The following TACC2 variants were observed in gnomAD, a reference collection of about 807,000 sequenced individuals.
TACC2 encodes the protein transforming acidic coiled-coil-containing protein 2.
In TACC2, 137 loss-of-function variants were observed where a neutral mutation model predicts 227.3. The observed-to-expected ratio is 0.60, with a 90% confidence interval of 0.52 to 0.69. TACC2 has a LOEUF of 0.69. Among genes scored for constraint, TACC2 ranks in the 30% least tolerant of loss-of-function variants. The pLI, the probability that TACC2 is intolerant of heterozygous loss-of-function variation, is 0.00. For synonymous variants in TACC2, 1,523 were observed against 1,487.5 expected, an observed-to-expected ratio of 1.02 and a Z score of -0.55; for missense variants, 3,470 against 3,694.4, an observed-to-expected ratio of 0.94 and a Z score of 1.57.
chr10:122,160,764 A>G (rs58936963), intron 7 of TACC2, among the ~76,000 whole-genome samples: 15,781 of 151,908 alleles, frequency 0.1, 2,518 homozygotes, highest in African/African-American at 0.34. Context: ...TCAGCTTTAC[A>G]TTTTCTGTAG....
At chr10:122,060,470 A>G (rs1011932806) in intron 3 of TACC2, among the ~76,000 whole-genome samples, 10 of 152,218 alleles carry the variant, frequency 6.6e-5, no homozygotes, top group Non-Finnish European at 1.2e-4. Flanking sequence ...GTTCAATACC[A>G]CAGGAATGCT....
intron 7 of TACC2, among the ~76,000 whole-genome samples, chr10:122,186,195 C>T (rs1816527468): frequency 6.6e-6 from 1 of 152,170 alleles, no homozygotes; most frequent in South Asian, 2.1e-4. Flanking sequence ...TCCCAAAGTG[C>T]TGGGATTACA....
Position 122,084,340 on chromosome 10 carries a change from G to A in TACC2, c.1840G>A (p.Glu614Lys). 6.2e-7 allele frequency: 1 copy of A among 1,613,832 alleles called. No individual in the cohort carries two copies. The highest frequency in any genetic ancestry group is 8.5e-7 in the Non-Finnish European group (1 of 1,180,036). Residue 614 changes from glutamate (E) to lysine (K), a missense_variant, in exon 4 of 23, where the codon GAG becomes AAG. By Grantham distance (56) the Glu-to-Lys change is moderately conservative. Around this residue, in one of 10 missense-constraint regions of TACC2, gnomAD observed 1,924 missense variants for 1,978.3 expected, o/e 0.97. Transcript: ENST00000369005. The part of the protein sequence containing the change: ...SKRDPEVGKD[E>K]LSKPSSDAES... ...GCGTGATCCAGAAGTAGGCAAAGAT[G>A]AGCTTTCAAAGCCAAGCAGTGATGC...
chr10:122,022,167 A>G, intron 2 of TACC2, 153 bp downstream of exon 2: 2 of 657,438 alleles, frequency 3.0e-6, no homozygotes, highest in Non-Finnish European at 5.3e-6. Flanking sequence ...CTATGCAGCC[A>G]TTTTTCATTT....
intron 7 of TACC2, among the ~76,000 whole-genome samples, chr10:122,172,381 C>T (rs1033232907): frequency 6.6e-6 from 1 of 152,180 alleles, no homozygotes; most frequent in Non-Finnish European, 1.5e-5. Context: ...CCTGTGCCAG[C>T]ACCACCCTTC....
intron 2 of TACC2, among the ~76,000 whole-genome samples, chr10:122,040,519 C>T (rs1478130950): frequency 1.3e-5 from 2 of 152,150 alleles, no homozygotes; most frequent in Non-Finnish European, 2.9e-5. Flanking sequence ...GCTCCAAGCT[C>T]CAAGCATGTG....
chr10:122,074,300 G>C lies in TACC2; in HGVS notation c.147-8347G>C, dbSNP rs180929497. On this transcript the variant is annotated intron_variant, in intron 3 of 22. Transcript: ENST00000369005. ...TTTACCATGTTAACCAGGCTGTCTT[G>C]AACTCCTGACCTCAGGTGATCCACC... 6.9e-3 allele frequency among the ~76,000 whole-genome samples: 1,039 copies of C among 150,784 alleles called. 10 individuals are homozygous for C. Among genetic ancestry groups the C allele is most frequent in the African/African-American group, 0.024 (983 of 40,998 alleles).
intron 7 of TACC2, among the ~76,000 whole-genome samples, chr10:122,158,462 CTTCTT>C (rs1428621149): frequency 1.3e-5 from 2 of 152,114 alleles, no homozygotes; most frequent in African/African-American, 4.8e-5. Context: ...TGTTTACTGA[CTTCTT>C]TTCTAGGACA....
At chr10:122,103,611 C>T (rs987610815) in intron 5 of TACC2, among the ~76,000 whole-genome samples, 1 of 152,216 alleles carries the variant, frequency 6.6e-6, no homozygotes, top group Non-Finnish European at 1.5e-5. Context: ...TGCCACTCTT[C>T]AAAGCTGGCA....
Position 122,211,457 on chromosome 10 carries a change from C to A in TACC2, c.7032C>A (p.Asp2344Glu), listed in dbSNP as rs1019634630. ...CCTTTGATATTGACAAGTGGGATGA[C>A]CCCAATTTTAACCCTTTTTCTTCCA... ...TYTFDIDKWD[D>E]PNFNPFSSTS... Residue 2344 changes from aspartate (D) to glutamate (E), a missense_variant, in exon 9 of 23, where the codon GAC becomes GAA. Coordinates refer to ENST00000369005, the MANE Select transcript of TACC2 (RefSeq NM_206862.4). 6.2e-7 allele frequency: 1 copy of A among 1,614,088 alleles called. No individual in the cohort carries two copies. The highest frequency in any genetic ancestry group is 8.5e-7 in the Non-Finnish European group (1 of 1,180,028).
intron 1 of TACC2, among the ~76,000 whole-genome samples, chr10:122,020,362 A>C (rs753681609): frequency 1.3e-5 from 2 of 151,856 alleles, no homozygotes; most frequent in African/African-American, 2.4e-5. Context: ...GCAAGAAAGG[A>C]TTAAGGTATC....
chr10:122,016,364 C>T (rs918029871), intron 1 of TACC2, among the ~76,000 whole-genome samples: 9 of 150,662 alleles, frequency 6.0e-5, no homozygotes, highest in Admixed American at 2.6e-4. Context: ...GTCAAGAGTT[C>T]GAGATCAGCC....
intron 9 of TACC2, among the ~76,000 whole-genome samples, chr10:122,213,675 A>G (rs1346627809): frequency 3.9e-5 from 6 of 152,212 alleles, no homozygotes; most frequent in Non-Finnish European, 8.8e-5. Flanking sequence ...TCTGAAATCA[A>G]ACATTTTTTT....
Position 122,220,267 on chromosome 10 carries a change from T to C in TACC2, c.7546+3439T>C, listed in dbSNP as rs74585048. ...TAAAACAGACAACTTACTAGCTGAG[T>C]GACATATTTGACAGTTGTTTTTTTC... On this transcript the variant is annotated intron_variant, in intron 11 of 22. Transcript: ENST00000369005. Among the ~76,000 whole-genome samples, 576 of 152,294 alleles carry C rather than the reference T, an allele frequency of 3.8e-3. 5 individuals carry two copies. Among genetic ancestry groups the C allele is most frequent in the African/African-American group, 0.012 (505 of 41,550 alleles).
chr10:122,015,966 A>G (rs116258541), intron 1 of TACC2, among the ~76,000 whole-genome samples: 2,465 of 151,214 alleles, frequency 0.016, 73 homozygotes, highest in African/African-American at 0.056. Context: ...AAAAAAAAAA[A>G]TTAGAAAAAT....
At chr10:122,020,176 A>C (rs1470049475) in intron 1 of TACC2, among the ~76,000 whole-genome samples, 2 of 152,220 alleles carry the variant, frequency 1.3e-5, no homozygotes, top group African/African-American at 4.8e-5. Flanking sequence ...CAAGGAAGTT[A>C]ATAACTGATA....
At chr10:122,244,193 A>G (rs2096063200) in intron 19 of TACC2, among the ~76,000 whole-genome samples, 1 of 151,954 alleles carries the variant, frequency 6.6e-6, no homozygotes, top group Non-Finnish European at 1.5e-5. Flanking sequence ...CTGCTCCCTG[A>G]TGTGTTTGGC....
chr10:122,174,328 C>A lies in TACC2; in HGVS notation c.5835-20712C>A, dbSNP rs190500980. Among the ~76,000 whole-genome samples, 1,006 of 152,334 alleles carry A rather than the reference C, an allele frequency of 6.6e-3. 4 individuals are homozygous for A. The highest frequency in any genetic ancestry group is 0.011 in the Non-Finnish European group (755 of 68,036). Reference sequence around the variant, plus strand: ...AGTGCAACGCTTTGGCAATACCTCCCAGAAAAATAGCTAGTGGGCAATGGC... The same window carrying A: ...AGTGCAACGCTTTGGCAATACCTCCAAGAAAAATAGCTAGTGGGCAATGGC... On this transcript the variant is annotated intron_variant, in intron 7 of 22. Coordinates refer to ENST00000369005, the MANE Select transcript of TACC2 (RefSeq NM_206862.4).
chr10:121,998,983 G>A (rs989836276), intron 1 of TACC2, among the ~76,000 whole-genome samples: 25 of 151,956 alleles, frequency 1.6e-4, no homozygotes, highest in Non-Finnish European at 2.9e-5. Context: ...ACAAATGTAT[G>A]GGAAGCTGGA....
Sources: allele counts gnomAD v4.1 joint callset (sites outside exome capture counted in the v4.1 genomes callset), GRCh38; gene constraint gnomAD v4.1.1; regional missense constraint gnomAD v4.1.1; transcripts MANE v1.5; gene names NCBI Gene and HGNC (gene_info 2026-07-23, HGNC 2026-07-21).